The following TTC7B variants were observed in gnomAD, a reference collection of about 807,000 sequenced individuals.
TTC7B encodes tetratricopeptide repeat protein 7B.
TTC7B carries 28 observed loss-of-function variants against 106.8 expected under a neutral mutation model. That is an observed-to-expected ratio of 0.26 (90% CI 0.19 to 0.36). The LOEUF (loss-of-function observed/expected upper bound fraction) is 0.36. Among genes scored for constraint, TTC7B ranks in the 10% least tolerant of loss-of-function variants. TTC7B has a pLI of 1.00. For synonymous variants in TTC7B, 405 were observed against 430.6 expected (o/e 0.94, Z 0.74); for missense variants, 862 against 1,076.4 (o/e 0.80, Z 2.79).
At chr14:90,730,554 G>A (rs973399463) in intron 4 of TTC7B, among the ~76,000 whole-genome samples, 4 of 152,170 alleles carry the variant, frequency 2.6e-5, no homozygotes, top group East Asian at 1.9e-4. Flanking sequence ...AGCAAAGGGC[G>A]GAAATAGTTG....
intron 17 of TTC7B, among the ~76,000 whole-genome samples, chr14:90,594,472 C>T (rs1441794287): frequency 6.6e-6 from 1 of 152,158 alleles, no homozygotes; most frequent in African/African-American, 2.4e-5. Flanking sequence ...TGCTTCCCAT[C>T]TCTTTCCAAC....
At position 90,658,151 on chromosome 14, in the gene TTC7B, T is replaced by C. The variant is rs1250052638; in HGVS notation, c.1236+153A>G. 8 of 652,086 alleles carry C rather than the reference T, an allele frequency of 1.2e-5. No homozygotes were observed. The East Asian group carries it at 2.2e-4, about 18-fold the overall frequency. 40.4% of individuals were successfully genotyped at this position (652,086 alleles called of 1,614,324 possible). A position where few individuals can be genotyped will look rare whatever the true frequency, so the allele number is the denominator to read the frequency against. Reference sequence around the variant, plus strand: ...CATCTTGGCTCCCCAAACAATTAAATCTGATTGTTCACTGAGAACGGACCA... The same window carrying C: ...CATCTTGGCTCCCCAAACAATTAAACCTGATTGTTCACTGAGAACGGACCA... On this transcript the variant is annotated intron_variant, in intron 10 of 19. Transcript: ENST00000328459.
rs1891313775 is a variant in TTC7B at position 90,784,395 on chromosome 14, A to C, written c.276+1779T>G. ...ACACGGTGAAACCCTGTCTCTACTA[A>C]AAATACAAAAAATTAGCCGGGCGTG... is the stretch of plus-strand genomic sequence containing the variant. On this transcript the variant is annotated intron_variant, in intron 2 of 19. Coordinates refer to ENST00000328459, the MANE Select transcript of TTC7B (RefSeq NM_001010854.2). Among the ~76,000 whole-genome samples the C allele has an allele frequency of 2.0e-5, 3 of 152,122 alleles. No homozygotes were observed. In the South Asian group the frequency reaches 6.2e-4, roughly 32 times the overall value.
chr14:90,745,524 A>C (rs928586409), intron 3 of TTC7B, among the ~76,000 whole-genome samples: 1 of 152,058 alleles, frequency 6.6e-6, no homozygotes, highest in Non-Finnish European at 1.5e-5. Flanking sequence ...TCCTTTCTCC[A>C]TGTTCATTGA....
At chr14:90,768,524 A>G (rs1566878395) in intron 3 of TTC7B, among the ~76,000 whole-genome samples, 1 of 152,212 alleles carries the variant, frequency 6.6e-6, no homozygotes, top group East Asian at 1.9e-4. Flanking sequence ...CCCTCAACAC[A>G]TGGGTATTAC....
chr14:90,639,085 T>C (rs988407073), intron 15 of TTC7B, among the ~76,000 whole-genome samples: 5 of 152,158 alleles, frequency 3.3e-5, no homozygotes, highest in African/African-American at 4.8e-5. Flanking sequence ...GTGTGAAAGA[T>C]AGCACAAGAG....
At chr14:90,781,054 T>G (rs1891205802) in intron 2 of TTC7B, 148 bp from the exon 3 acceptor site, 5 of 692,446 alleles carry the variant, frequency 7.2e-6, no homozygotes, top group Middle Eastern at 2.5e-4. Context: ...TTATCCACAA[T>G]AGCCAAACAG....
intron 3 of TTC7B, among the ~76,000 whole-genome samples, chr14:90,755,696 A>C (rs561771890): frequency 3.9e-5 from 6 of 152,234 alleles, no homozygotes; most frequent in African/African-American, 1.4e-4. Context: ...AAAAAAAAAA[A>C]CAAGAAAATG....
At chr14:90,546,058 G>C (rs1057036295) in intron 19 of TTC7B, among the ~76,000 whole-genome samples, 1 of 152,200 alleles carries the variant, frequency 6.6e-6, no homozygotes, top group Admixed American at 6.5e-5. Context: ...CTTGGCACAG[G>C]AATGAAAAAT....
chr14:90,760,560 A>C (rs1890465369), intron 3 of TTC7B, among the ~76,000 whole-genome samples: 1 of 152,250 alleles, frequency 6.6e-6, no homozygotes, highest in Non-Finnish European at 1.5e-5. Flanking sequence ...ACCTTAACTG[A>C]GAATGTAAAT....
Position 90,787,110 on chromosome 14 carries a change from C to T in TTC7B, c.122-782G>A, listed in dbSNP as rs1035718375. Among the ~76,000 whole-genome samples the T allele has an allele frequency of 1.9e-4, 29 of 152,186 alleles. 2 individuals carry two copies. Among genetic ancestry groups the T allele is most frequent in the East Asian group, 1.9e-4 (1 of 5,196 alleles). ...TGAGTCTGTGTCAAAATGACCTGAA[C>T]GCAAGTCTGTATTCTTGCAGAGTAA... On this transcript the variant is annotated intron_variant, in intron 1 of 19. Transcript: ENST00000328459.
chr14:90,730,580 C>T lies in TTC7B; in HGVS notation c.577-384G>A, dbSNP rs115064517. Among the ~76,000 whole-genome samples the T allele has an allele frequency of 5.2e-3, 787 of 152,272 alleles. 10 individuals carry two copies. Among genetic ancestry groups the T allele is most frequent in the African/African-American group, 0.018 (756 of 41,552 alleles). On this transcript the variant is annotated intron_variant, in intron 4 of 19. Transcript: ENST00000328459. The stretch of plus-strand genomic sequence containing the variant: ...GAAATAGTTGTGATCCACCAATGGC[C>T]GAGGTCACTCACAGGCAGACTGCAG...
intron 17 of TTC7B, among the ~76,000 whole-genome samples, chr14:90,604,871 A>G (rs1291144256): frequency 1.3e-5 from 2 of 152,226 alleles, no homozygotes. Context: ...GTGTTATTTA[A>G]AAGCAAGATT....
At chr14:90,752,606 A>G (rs1190844586) in intron 3 of TTC7B, among the ~76,000 whole-genome samples, 2 of 152,214 alleles carry the variant, frequency 1.3e-5, no homozygotes, top group African/African-American at 4.8e-5. Context: ...CAATAATAAT[A>G]AAGGTTGATT....
intron 15 of TTC7B, among the ~76,000 whole-genome samples, chr14:90,622,058 G>A (rs963032737): frequency 1.3e-5 from 2 of 151,738 alleles, no homozygotes; most frequent in African/African-American, 4.8e-5. Context: ...ACACGATGAA[G>A]AGGGCAGAGG....
intron 15 of TTC7B, among the ~76,000 whole-genome samples, chr14:90,633,745 T>G (rs1884803102): frequency 6.6e-6 from 1 of 152,210 alleles, no homozygotes; most frequent in Non-Finnish European, 1.5e-5. Flanking sequence ...GAAGGGAAAT[T>G]TCTACAAAGC....
rs181246352 is a variant in TTC7B, at chr14:90,799,865, T to C, written c.122-13537A>G. Reference sequence around the variant, plus strand: ...TTTTTTTTGAGACGGAGTCTCGCTCTGTCGCCCAGGCTGGAGTGCAGTGGC... The same window carrying C: ...TTTTTTTTGAGACGGAGTCTCGCTCCGTCGCCCAGGCTGGAGTGCAGTGGC... On this transcript the variant is annotated intron_variant, in intron 1 of 19. Coordinates refer to ENST00000328459, the MANE Select transcript of TTC7B (RefSeq NM_001010854.2). Among the ~76,000 whole-genome samples the C allele has an allele frequency of 4.6e-5, 7 of 152,284 alleles. No homozygotes were observed. In the East Asian group the frequency reaches 1.4e-3, roughly 29 times the overall value.
Position 90,695,573 on chromosome 14 carries a change from A to G in TTC7B, c.704T>C (p.Leu235Ser). The G allele has an allele frequency of 6.3e-7, 1 of 1,597,764 alleles. No individual in the cohort carries two copies. The highest frequency in any genetic ancestry group is 8.5e-7 in the Non-Finnish European group (1 of 1,172,984). The change falls in exon 6 of 20, where the codon TTG becomes TCG. Residue 235 changes from leucine to serine, a missense_variant. By Grantham distance (145) the Leu-to-Ser change is moderately radical (BLOSUM62 -2). Transcript: ENST00000328459. ...AHVLYFKNGNLTRGVGRFREL... is the reference protein window; with the variant it reads ...AHVLYFKNGNSTRGVGRFREL... ...TCTAAATCTTCCGACTCCTCTTGTCAAGTTCCTGTGTGGACACAGAATTTG... is the reference window on the plus strand; with the variant it reads ...TCTAAATCTTCCGACTCCTCTTGTCGAGTTCCTGTGTGGACACAGAATTTG...
At chr14:90,551,667 A>G (rs1890086723) in intron 19 of TTC7B, among the ~76,000 whole-genome samples, 1 of 152,212 alleles carries the variant, frequency 6.6e-6, no homozygotes, top group African/African-American at 2.4e-5. Flanking sequence ...GCAAACCAGT[A>G]CCACTCTGAG....
Sources: gnomAD v4.1 joint callset for allele counts (sites outside exome capture counted in the v4.1 genomes callset) on GRCh38, gnomAD v4.1.1 for gene constraint, MANE v1.5 for transcripts, NCBI Gene and HGNC (gene_info 2026-07-23, HGNC 2026-07-21) for gene names.